Variants in VAV3 observed in about 807,000 individuals in gnomAD.
VAV3 encodes vav guanine nucleotide exchange factor 3.
A neutral mutation model predicts 131.2 loss-of-function variants in VAV3; 94 were observed. The observed-to-expected ratio is 0.72, with a 90% CI of 0.61 to 0.85. The LOEUF is 0.85. Among genes scored for constraint, VAV3 ranks in the 40% least tolerant of loss-of-function variants. VAV3 has a pLI of 0.00. For synonymous variants in VAV3, 349 were observed against 342.0 expected (o/e 1.02, Z -0.22); for missense variants, 939 against 1,002.7 (o/e 0.94, Z 0.86).
chr1:107,820,842 A>G (rs1667765311), intron 2 of VAV3: 1 of 152,168 alleles, frequency 6.6e-6, no homozygotes, highest in Admixed American at 6.5e-5. Context: ...TACTTAGAAG[A>G]AAAAATAGGA....
intron 19 of VAV3, among the ~76,000 whole-genome samples, chr1:107,644,072 C>T (rs934191068): frequency 6.6e-6 from 1 of 152,024 alleles, no homozygotes; most frequent in Non-Finnish European, 1.5e-5. Flanking sequence ...AAGGTCTCAC[C>T]CTAACACCAA....
chr1:107,948,021 T>C (rs368149474), intron 1 of VAV3, among the ~76,000 whole-genome samples: 1 of 152,242 alleles, frequency 6.6e-6, no homozygotes, highest in Non-Finnish European at 1.5e-5. Flanking sequence ...TGGCTTAAAA[T>C]AGCAAAACTG....
chr1:107,945,237 A>T (rs1674193404), intron 1 of VAV3, among the ~76,000 whole-genome samples: 1 of 152,190 alleles, frequency 6.6e-6, no homozygotes, highest in Non-Finnish European at 1.5e-5. Context: ...AGATTATATA[A>T]GAAAAAAACA....
At chr1:107,699,228 G>A (rs937217916) in intron 17 of VAV3, among the ~76,000 whole-genome samples, 3 of 152,250 alleles carry the variant, frequency 2.0e-5, no homozygotes, top group Non-Finnish European at 4.4e-5. Flanking sequence ...TACAATAGGG[G>A]TACAGGCATT....
intron 15 of VAV3, among the ~76,000 whole-genome samples, chr1:107,738,331 T>C (rs145006082): frequency 8.7e-4 from 133 of 152,274 alleles, no homozygotes; most frequent in African/African-American, 3.1e-3. Flanking sequence ...TGTGCACATG[T>C]ACCCTAGAAC....
At chr1:107,759,454 A>C (rs1035722259) in intron 10 of VAV3, among the ~76,000 whole-genome samples, 1 of 152,188 alleles carries the variant, frequency 6.6e-6, no homozygotes, top group African/African-American at 2.4e-5. Context: ...TTTCGCCACT[A>C]AAGTATAGTA....
At chr1:107,943,893 G>A (rs1571172870) in intron 1 of VAV3, among the ~76,000 whole-genome samples, 2 of 152,216 alleles carry the variant, frequency 1.3e-5, no homozygotes, top group African/African-American at 2.4e-5. Flanking sequence ...CCTGCAACAC[G>A]AGTCCAAGCT....
intron 2 of VAV3, among the ~76,000 whole-genome samples, chr1:107,792,950 C>A (rs1666365227): frequency 6.6e-6 from 1 of 151,970 alleles, no homozygotes; most frequent in African/African-American, 2.4e-5. Context: ...TAATGATATT[C>A]TGGTTTAAAA....
At chr1:107,942,984 G>T (rs550860838) in intron 1 of VAV3, among the ~76,000 whole-genome samples, 1 of 152,270 alleles carries the variant, frequency 6.6e-6, no homozygotes, top group Admixed American at 6.5e-5. Flanking sequence ...TTCTGTTGGG[G>T]TATTAGAACA....
chr1:107,957,126 T>C (rs905120065), intron 1 of VAV3, among the ~76,000 whole-genome samples: 1 of 152,108 alleles, frequency 6.6e-6, no homozygotes, highest in African/African-American at 2.4e-5. Context: ...ACAGAATGTG[T>C]TCCCTTTCTC....
intron 19 of VAV3, among the ~76,000 whole-genome samples, chr1:107,663,512 GT>G (rs1466796630): frequency 6.6e-6 from 1 of 152,056 alleles, no homozygotes; most frequent in Non-Finnish European, 1.5e-5. Flanking sequence ...AAAAAAAATG[GT>G]TTGATAAGCT....
chr1:107,684,460 A>G (rs542181380), intron 18 of VAV3, among the ~76,000 whole-genome samples: 1 of 152,290 alleles, frequency 6.6e-6, no homozygotes, highest in East Asian at 1.9e-4. Flanking sequence ...TTAGCCATGG[A>G]TTTCTCTCAG....
intron 2 of VAV3, among the ~76,000 whole-genome samples, chr1:107,818,211 C>T (rs1667642298): frequency 6.6e-6 from 1 of 152,172 alleles, no homozygotes; most frequent in African/African-American, 2.4e-5. Flanking sequence ...TGGACACACC[C>T]AGAGGCAAGA....
intron 8 of VAV3, among the ~76,000 whole-genome samples, chr1:107,766,008 T>A (rs2102157889): frequency 6.6e-6 from 1 of 152,242 alleles, no homozygotes; most frequent in East Asian, 1.9e-4. Flanking sequence ...ACTCTGCGAA[T>A]CTAATACTCC....
At chr1:107,846,077 C>G (rs1046498976) in intron 2 of VAV3, among the ~76,000 whole-genome samples, 1 of 152,148 alleles carries the variant, frequency 6.6e-6, no homozygotes, top group Non-Finnish European at 1.5e-5. Flanking sequence ...CAAAGGGAAG[C>G]CCATCAGACT....
rs192782861 is a variant in VAV3, at chr1:107,918,034, C to G, written c.205-43017G>C. Among the ~76,000 whole-genome samples the G allele has an allele frequency of 6.2e-4, 95 of 152,240 alleles. No homozygotes were observed. In the South Asian group the frequency reaches 6.6e-3, roughly 11 times the overall value. On this transcript the variant is annotated intron_variant, in intron 1 of 26. Transcript: ENST00000370056. ...TAATCGACAAATATTCTGTGAATAC[C>G]TTTCCTATGGGAACCACAAAGCTAA...
intron 11 of VAV3, among the ~76,000 whole-genome samples, chr1:107,756,497 C>T (rs1486373755): frequency 2.0e-5 from 3 of 152,022 alleles, no homozygotes; most frequent in Admixed American, 6.6e-5. Flanking sequence ...AGCCAAACAG[C>T]GAAGCTAACA....
intron 12 of VAV3, among the ~76,000 whole-genome samples, chr1:107,754,323 A>G (rs1663965012): frequency 6.6e-6 from 1 of 152,194 alleles, no homozygotes; most frequent in Non-Finnish European, 1.5e-5. Flanking sequence ...GTGACTGGAA[A>G]ACTGGCAGAT....
At chr1:107,683,928 C>T (rs1242232190) in intron 18 of VAV3, among the ~76,000 whole-genome samples, 1 of 152,128 alleles carries the variant, frequency 6.6e-6, no homozygotes, top group African/African-American at 2.4e-5. Context: ...TCATAAAACT[C>T]TAACTCAGCT....
Sources: allele counts gnomAD v4.1 joint callset (sites outside exome capture counted in the v4.1 genomes callset), GRCh38; gene constraint gnomAD v4.1.1; transcripts MANE v1.5; gene names NCBI Gene and HGNC (gene_info 2026-07-23, HGNC 2026-07-21).